SLC35F3: variants seen among roughly 807,000 people sequenced by gnomAD.
SLC35F3 encodes putative thiamine transporter SLC35F3.
Under a neutral mutation model 49.9 loss-of-function variants are expected in SLC35F3, and 25 were observed. That is an observed-to-expected ratio of 0.50 (90% CI 0.37 to 0.70). The LOEUF is 0.70. Ranked by LOEUF, SLC35F3 falls within the 30% of genes least tolerant of loss-of-function variation. The pLI, the probability that SLC35F3 is intolerant of heterozygous loss-of-function variation, is 0.00. For missense variants in SLC35F3, 525 were observed against 639.8 expected (o/e 0.82, Z 1.94); for synonymous variants, 275 against 265.4 (o/e 1.04, Z -0.35).
At chr1:233,913,154 G>A (rs942608714) in intron 2 of SLC35F3, among the ~76,000 whole-genome samples, 4 of 152,174 alleles carry the variant, frequency 2.6e-5, no homozygotes, top group Admixed American at 1.3e-4. Context: ...ATTCACAACA[G>A]AAATAGAGGG....
chr1:234,208,745 A>C (rs60929551), intron 2 of SLC35F3, among the ~76,000 whole-genome samples: 2,191 of 152,260 alleles, frequency 0.014, 51 homozygotes, highest in African/African-American at 0.05. Flanking sequence ...CACCCACTTC[A>C]GTATCCAGAC....
chr1:234,134,284 GTAAT>G (rs151245916), intron 2 of SLC35F3, among the ~76,000 whole-genome samples: 2,748 of 148,266 alleles, frequency 0.019, 82 homozygotes, highest in African/African-American at 0.063. Context: ...TATATTAATT[GTAAT>G]TAATAATAAT....
chr1:234,265,901 G>A (rs1432805234), intron 3 of SLC35F3, among the ~76,000 whole-genome samples: 1 of 152,068 alleles, frequency 6.6e-6, no homozygotes, highest in Admixed American at 6.5e-5. Context: ...TGCCCTTTGT[G>A]TTTGCTCTTC....
intron 2 of SLC35F3, among the ~76,000 whole-genome samples, chr1:234,218,917 C>A (rs762614515): frequency 6.6e-6 from 1 of 151,924 alleles, no homozygotes; most frequent in Non-Finnish European, 1.5e-5. Flanking sequence ...GACATGGTGG[C>A]GTGCACCTGC....
At chr1:234,304,807 A>G (rs1229492743) in intron 3 of SLC35F3, among the ~76,000 whole-genome samples, 12 of 152,242 alleles carry the variant, frequency 7.9e-5, no homozygotes, top group Non-Finnish European at 5.9e-5. Context: ...TAGGATACCA[A>G]TATTTTAAAA....
At chr1:234,217,327 C>G (rs370741743) in intron 2 of SLC35F3, among the ~76,000 whole-genome samples, 1 of 152,252 alleles carries the variant, frequency 6.6e-6, no homozygotes, top group East Asian at 1.9e-4. Flanking sequence ...CAACCCTACT[C>G]TGTGTCCTGT....
chr1:234,125,577 A>G (rs1398601728), intron 2 of SLC35F3, among the ~76,000 whole-genome samples: 1 of 152,180 alleles, frequency 6.6e-6, no homozygotes, highest in Non-Finnish European at 1.5e-5. Flanking sequence ...GACAGTCCAC[A>G]CGTTCCTCCA....
At chr1:233,909,938 C>T in intron 2 of SLC35F3, among the ~76,000 whole-genome samples, 1 of 152,338 alleles carries the variant, frequency 6.6e-6, no homozygotes, top group Non-Finnish European at 1.5e-5. Context: ...TCCTTCCTCA[C>T]CTTTCTTCCT....
chr1:234,236,101 G>A (rs1429454880), intron 3 of SLC35F3, among the ~76,000 whole-genome samples: 1 of 152,092 alleles, frequency 6.6e-6, no homozygotes, highest in Non-Finnish European at 1.5e-5. Flanking sequence ...CCAGATACAT[G>A]TCCAGATACA....
At chr1:233,931,628 A>C (rs1393838864) in intron 2 of SLC35F3, among the ~76,000 whole-genome samples, 1 of 152,226 alleles carries the variant, frequency 6.6e-6, no homozygotes, top group East Asian at 1.9e-4. Flanking sequence ...GCGGTCATTA[A>C]AAAGTCAGGA....
chr1:234,150,510 A>T (rs958100841), intron 2 of SLC35F3, among the ~76,000 whole-genome samples: 18 of 152,160 alleles, frequency 1.2e-4, no homozygotes, highest in African/African-American at 3.1e-4. Context: ...TAACATTTTT[A>T]AAAAATGTTT....
chr1:233,932,542 A>G (rs1043952389), intron 2 of SLC35F3, among the ~76,000 whole-genome samples: 15 of 152,310 alleles, frequency 9.8e-5, no homozygotes, highest in Middle Eastern at 3.4e-3. Flanking sequence ...GCAGAAATCT[A>G]TCATCTTCTG....
chr1:234,223,087 C>T (rs955997069), intron 2 of SLC35F3, among the ~76,000 whole-genome samples: 2 of 152,178 alleles, frequency 1.3e-5, no homozygotes, highest in African/African-American at 4.8e-5. Context: ...AGGGCACAAA[C>T]AGTATTATTT....
At chr1:234,282,991 C>T (rs1318530653) in intron 3 of SLC35F3, among the ~76,000 whole-genome samples, 1 of 152,200 alleles carries the variant, frequency 6.6e-6, no homozygotes, top group East Asian at 1.9e-4. Flanking sequence ...TTGAAGATTA[C>T]GCCAAACCAC....
chr1:234,263,008 G>A (rs796072320), intron 3 of SLC35F3, among the ~76,000 whole-genome samples: 2 of 152,338 alleles, frequency 1.3e-5, no homozygotes, highest in African/African-American at 4.8e-5. Flanking sequence ...ATATGCCAGT[G>A]ATCATGTGGC....
In SLC35F3 at chr1:234,214,328, G is replaced by T; in HGVS notation, c.284-17089G>T. ...GGCGGCCGCCGCAGTGAGCAACGCG[G>T]CAACCGGAGCCCGGCGGGCAGCCGG... is the stretch of plus-strand genomic sequence containing the variant. On this transcript the variant is annotated intron_variant, in intron 2 of 7. Coordinates refer to ENST00000366618, the MANE Select transcript of SLC35F3 (RefSeq NM_173508.4). This position sits in a 1 kb window ranked among gnomAD's most constrained non-coding sequence, Gnocchi z 8.0. The T allele has an allele frequency of 7.6e-7, 1 of 1,309,222 alleles. No individual in the cohort carries two copies. The highest frequency in any genetic ancestry group is 2.3e-5 in the South Asian group (1 of 44,318). The allele number at this position is 1,309,222 out of a possible 1,614,324, so 81.1% of individuals were successfully genotyped here. A position where few individuals can be genotyped will look rare whatever the true frequency, so the allele number is the denominator to read the frequency against.
intron 2 of SLC35F3, among the ~76,000 whole-genome samples, chr1:233,919,475 AGATTTAGAC>A (rs1337150617): frequency 6.6e-6 from 1 of 152,066 alleles, no homozygotes; most frequent in Non-Finnish European, 1.5e-5. Flanking sequence ...GTTTTTTCAG[AGATTTAGAC>A]TTCTGGTTCA....
intron 2 of SLC35F3, among the ~76,000 whole-genome samples, chr1:233,998,834 G>A (rs1663504173): frequency 6.6e-6 from 1 of 152,178 alleles, no homozygotes; most frequent in Admixed American, 6.5e-5. Flanking sequence ...GGATTTTACT[G>A]ATGTGTTCTT....
At chr1:234,225,230 C>A (rs1315258114) in intron 2 of SLC35F3, among the ~76,000 whole-genome samples, 5 of 152,186 alleles carry the variant, frequency 3.3e-5, no homozygotes, top group Non-Finnish European at 7.3e-5. Context: ...CACATAAATT[C>A]ACTGAGCAAG....
Sources: gnomAD v4.1 joint callset for allele counts (sites outside exome capture counted in the v4.1 genomes callset) on GRCh38, gnomAD v4.1.1 for gene constraint, Gnocchi (gnomAD v3.1) non-coding constraint, MANE v1.5 for transcripts, NCBI Gene and HGNC (gene_info 2026-07-23, HGNC 2026-07-21) for gene names.